CHCHD3: variants seen among roughly 807,000 people sequenced by gnomAD.
The protein encoded by CHCHD3 is MICOS complex subunit MIC19.
CHCHD3 carries 20 observed loss-of-function variants against 38.2 expected under a neutral mutation model. That is an observed-to-expected ratio of 0.52 (90% CI 0.37 to 0.76). The LOEUF (loss-of-function observed/expected upper bound fraction) is 0.76, where lower values mean the gene tolerates loss of function less well. CHCHD3 is among the 30% of genes least tolerant of loss of function. The pLI, the probability that CHCHD3 is intolerant of heterozygous loss-of-function variation, is 0.00. For missense variants in CHCHD3, 245 were observed against 279.2 expected (o/e 0.88, Z 0.87); for synonymous variants, 82 against 100.0 (o/e 0.82, Z 1.07).
At chr7:132,902,939 C>T (rs1192161753) in intron 4 of CHCHD3, among the ~76,000 whole-genome samples, 1 of 152,348 alleles carries the variant, frequency 6.6e-6, no homozygotes, top group East Asian at 1.9e-4. Flanking sequence ...ATTCTAGAAA[C>T]TCCTGTCATA....
intron 5 of CHCHD3, among the ~76,000 whole-genome samples, chr7:132,851,742 A>G (rs1007627223): frequency 1.2e-4 from 19 of 152,216 alleles, no homozygotes; most frequent in Non-Finnish European, 2.5e-4. Context: ...GTGATGTGAC[A>G]CAGTCACTCT....
intron 3 of CHCHD3, among the ~76,000 whole-genome samples, chr7:132,985,735 A>G (rs1281394606): frequency 3.6e-5 from 2 of 55,154 alleles, no homozygotes; most frequent in East Asian, 6.8e-4. Flanking sequence ...GGAGGAGGGG[A>G]GGTCAGCCCC....
chr7:132,999,710 TA>T (rs951602022), intron 3 of CHCHD3, among the ~76,000 whole-genome samples: 1 of 152,056 alleles, frequency 6.6e-6, no homozygotes, highest in African/African-American at 2.4e-5. Context: ...AAGCATTGAT[TA>T]AAGTATTTAA....
intron 5 of CHCHD3, among the ~76,000 whole-genome samples, chr7:132,859,979 T>G (rs185705878): frequency 2.6e-5 from 4 of 152,266 alleles, no homozygotes; most frequent in Admixed American, 2.6e-4. Context: ...TTTAAATTGA[T>G]TAAAACACAG....
At chr7:132,970,644 T>C (rs1171836262) in intron 4 of CHCHD3, among the ~76,000 whole-genome samples, 1 of 152,172 alleles carries the variant, frequency 6.6e-6, no homozygotes, top group Admixed American at 6.6e-5. Context: ...CATTAGTACC[T>C]AACATAGTAA....
At chr7:132,984,918 C>A (rs1812053366) in intron 3 of CHCHD3, among the ~76,000 whole-genome samples, 2 of 93,702 alleles carry the variant, frequency 2.1e-5, no homozygotes, top group African/African-American at 4.0e-5. Flanking sequence ...AGCCCCCCGC[C>A]CGGCCAGCCG....
At position 132,923,494 on chromosome 7, in the gene CHCHD3, A is replaced by T. The variant is rs141380157; in HGVS notation, c.370-37749T>A. 2.1e-3 allele frequency among the ~76,000 whole-genome samples: 313 copies of T among 152,246 alleles called. 1 individual carries two copies. The highest frequency in any genetic ancestry group is 7.0e-3 in the African/African-American group (292 of 41,556). ...TTTATACAATGACCAGACTTTTGGG[A>T]CGTACAACCAGCTGGAATATAGTAG... On this transcript the variant is annotated intron_variant, in intron 4 of 7. Coordinates refer to ENST00000262570, the MANE Select transcript of CHCHD3 (RefSeq NM_017812.4).
chr7:133,035,628 C>A lies in CHCHD3; in HGVS notation c.170-11001G>T. ...TATATCGGAATCAGCAAAGCTCACC[C>A]ACTGCACCACCTGGGCTGCTGCCTC... is the stretch of plus-strand genomic sequence containing the variant. On this transcript the variant is annotated intron_variant, in intron 2 of 7. Transcript: ENST00000262570. This position sits in a 1 kb window ranked among gnomAD's most constrained non-coding sequence, Gnocchi z 4.7. The A allele has an allele frequency of 1.2e-6, 2 of 1,611,200 alleles. No homozygotes were observed. The highest frequency in any genetic ancestry group is 2.7e-5 in the African/African-American group (2 of 75,014).
At chr7:133,038,760 A>T (rs1050541823) in intron 2 of CHCHD3, among the ~76,000 whole-genome samples, 2 of 152,188 alleles carry the variant, frequency 1.3e-5, no homozygotes, top group African/African-American at 4.8e-5. Context: ...TTCTATAGAG[A>T]TCCACTTCCT....
chr7:133,044,034 T>C (rs915558367), intron 2 of CHCHD3, among the ~76,000 whole-genome samples: 2 of 152,226 alleles, frequency 1.3e-5, no homozygotes, highest in African/African-American at 4.8e-5. Flanking sequence ...TTTCCAGATT[T>C]CTACCAATAA....
chr7:132,935,330 G>A (rs1055905585), intron 4 of CHCHD3, among the ~76,000 whole-genome samples: 1 of 152,224 alleles, frequency 6.6e-6, no homozygotes, highest in African/African-American at 2.4e-5. Flanking sequence ...ACTGGAGGTT[G>A]CTACCTACTA....
rs145041663 is a variant in CHCHD3, at chr7:132,847,769, T to C, written c.454-9300A>G. On this transcript the variant is annotated intron_variant, in intron 5 of 7. Coordinates refer to ENST00000262570, the MANE Select transcript of CHCHD3 (RefSeq NM_017812.4). ...AGTATTCGTGCAATATTTTCTCAGA[T>C]TCTGAATCTTGTTTTATTATAACTA... Among the ~76,000 whole-genome samples the C allele has an allele frequency of 1.7e-4, 26 of 152,332 alleles. 1 individual carries two copies. Among genetic ancestry groups the C allele is most frequent in the Middle Eastern group, 3.4e-3 (1 of 294 alleles).
chr7:132,927,865 C>T (rs1013219719), intron 4 of CHCHD3, among the ~76,000 whole-genome samples: 1 of 152,164 alleles, frequency 6.6e-6, no homozygotes, highest in Non-Finnish European at 1.5e-5. Flanking sequence ...GACCATCTTA[C>T]CTGTGAAGTA....
chr7:133,042,339 TC>T (rs1294509746), intron 2 of CHCHD3, among the ~76,000 whole-genome samples: 3 of 152,158 alleles, frequency 2.0e-5, no homozygotes, highest in African/African-American at 7.2e-5. Context: ...ATCTTACGTT[TC>T]CCTTTGAATA....
chr7:133,035,517 A>G lies in CHCHD3; in HGVS notation c.170-10890T>C. 1 of 1,613,192 alleles carries G rather than the reference A, an allele frequency of 6.2e-7. No individual in the cohort carries two copies. On this transcript the variant is annotated intron_variant, in intron 2 of 7. Transcript: ENST00000262570. The surrounding 1 kb of genome is among the most constrained non-coding windows in gnomAD (Gnocchi z 4.7). The stretch of plus-strand genomic sequence containing the variant: ...ATCCAGCAGCCCCAGAATTCGCCTC[A>G]CTTCCTCCTTTGCATTCTCAGTGGC...
At chr7:132,981,129 T>G (rs886925438) in intron 3 of CHCHD3, among the ~76,000 whole-genome samples, 2 of 152,044 alleles carry the variant, frequency 1.3e-5, no homozygotes, top group South Asian at 2.1e-4. Context: ...GGGACCACAG[T>G]TGCATGCCAC....
intron 7 of CHCHD3, among the ~76,000 whole-genome samples, chr7:132,789,481 TGGA>T (rs1806405637): frequency 6.6e-6 from 1 of 152,170 alleles, no homozygotes; most frequent in Non-Finnish European, 1.5e-5. Flanking sequence ...ACAGCGCCCC[TGGA>T]GACCTGAGAT....
intron 5 of CHCHD3, among the ~76,000 whole-genome samples, chr7:132,874,405 T>C (rs1486294373): frequency 1.3e-5 from 2 of 152,204 alleles, no homozygotes; most frequent in African/African-American, 2.4e-5. Flanking sequence ...AGATTCTTTC[T>C]AGAGGGTCAC....
intron 4 of CHCHD3, among the ~76,000 whole-genome samples, chr7:132,919,100 CTTTTTT>C (rs5887600): frequency 5.8e-5 from 4 of 69,494 alleles, no homozygotes; most frequent in East Asian, 5.7e-4. Flanking sequence ...TGGGTTTATT[CTTTTTT>C]TTTTTTTTTT....
Sources: gnomAD v4.1 joint callset for allele counts (sites outside exome capture counted in the v4.1 genomes callset) on GRCh38, gnomAD v4.1.1 for gene constraint, Gnocchi (gnomAD v3.1) non-coding constraint, MANE v1.5 for transcripts, NCBI Gene and HGNC (gene_info 2026-07-23, HGNC 2026-07-21) for gene names.